The following ADGRE3 variants were observed in gnomAD, a reference collection of about 807,000 sequenced individuals.
The protein encoded by ADGRE3 is EGF-like module receptor 3.
In ADGRE3, 88 loss-of-function variants were observed where a neutral mutation model predicts 80.1. That is an observed-to-expected ratio of 1.10 (90% confidence interval 0.93 to 1.31). The LOEUF (loss-of-function observed/expected upper bound fraction) is 1.31, where lower values mean the gene tolerates loss of function less well. ADGRE3 is among the 40% of genes most tolerant of loss of function. The pLI, the probability that ADGRE3 is intolerant of heterozygous loss-of-function variation, is 0.00. For missense variants in ADGRE3, 715 were observed against 776.5 expected, an observed-to-expected ratio of 0.92 and a Z score of 0.94; for synonymous variants, 281 against 294.8, an observed-to-expected ratio of 0.95 and a Z score of 0.48.
intron 11 of ADGRE3, among the ~76,000 whole-genome samples, chr19:14,636,075 C>CTTT (rs1267579172): frequency 0.013 from 920 of 70,584 alleles, 67 homozygotes; most frequent in African/African-American, 0.02. Context: ...CCTTTCCTTT[C>CTTT]CTTTCCCTTT....
At chr19:14,629,631 T>C (rs2126979) in intron 14 of ADGRE3, among the ~76,000 whole-genome samples, 75,492 of 151,958 alleles carry the variant, frequency 0.5, 19,110 homozygotes, top group Non-Finnish European at 0.53. Context: ...CAGGCCTAAA[T>C]CTGATCTGCA....
chr19:14,612,070 G>A, the ADGRE3 span, among the ~76,000 whole-genome samples: 2 of 152,130 alleles, frequency 1.3e-5, no homozygotes, highest in African/African-American at 4.8e-5. Flanking sequence ...ATTAGCTCTT[G>A]CAATGTTAGT....
At chr19:14,661,043 G>A (rs1971934005) in intron 4 of ADGRE3, among the ~76,000 whole-genome samples, 1 of 142,016 alleles carries the variant, frequency 7.0e-6, no homozygotes, top group Non-Finnish European at 1.5e-5. Context: ...CCAGGATCAA[G>A]CAATTCTTGT....
At chr19:14,620,550 A>AATATATATATATAT (rs1568471512) in intron 15 of ADGRE3, among the ~76,000 whole-genome samples, 1 of 18,986 alleles carries the variant, frequency 5.3e-5, no homozygotes, top group African/African-American at 2.5e-4. Flanking sequence ...TATATATATT[A>AATATATATATATAT]TATATATATA....
intron 10 of ADGRE3, among the ~76,000 whole-genome samples, chr19:14,638,669 T>C (rs921365100): frequency 6.6e-6 from 1 of 152,104 alleles, no homozygotes; most frequent in Admixed American, 6.6e-5. Context: ...CCCTTGGGAC[T>C]GAAAGGGTAG....
chr19:14,647,128 G>A (rs942361896), intron 8 of ADGRE3, 53 bp downstream of exon 8: 14 of 1,467,498 alleles, frequency 9.5e-6, no homozygotes, highest in Middle Eastern at 1.7e-4. Context: ...TACACACATC[G>A]TTTGGCCTGC....
chr19:14,674,569 G>A (rs556630239), intron 1 of ADGRE3, among the ~76,000 whole-genome samples, 177 bp downstream of exon 1: 1 of 152,100 alleles, frequency 6.6e-6, no homozygotes, highest in African/African-American at 2.4e-5. Context: ...AACATTTTAG[G>A]GATATTCGAG....
At chr19:14,605,070 C>T in the ADGRE3 span, among the ~76,000 whole-genome samples, 1 of 151,966 alleles carries the variant, frequency 6.6e-6, no homozygotes, top group African/African-American at 2.4e-5. Context: ...TGGTGGCTCA[C>T]GCCTGTAATC....
chr19:14,647,178 C>T lies in ADGRE3; in HGVS notation c.882+3G>A. 1 of 1,613,196 alleles carries T rather than the reference C, an allele frequency of 6.2e-7. No homozygotes were observed. ...ACAAGCTCAAATCATACCTGTGACC[C>T]ACCTTCACGTGCTGGAAAGTCAGCG... On this transcript the variant is annotated splice_donor_region_variant and intron_variant, in intron 8 of 15. Coordinates refer to ENST00000253673, the MANE Select transcript of ADGRE3 (RefSeq NM_032571.5).
At chr19:14,615,103 C>G (rs868674047), downstream of ADGRE3, among the ~76,000 whole-genome samples, 1 of 151,732 alleles carries the variant, frequency 6.6e-6, no homozygotes, top group African/African-American at 2.4e-5. Flanking sequence ...TGGGGTCTCA[C>G]GGCTTGTCCA....
Position 14,630,127 on chromosome 19 carries a change from G to C in ADGRE3, c.1724C>G (p.Ala575Gly), listed in dbSNP as rs143228360. The change falls in exon 14 of 16, where the codon GCT becomes GGT. Residue 575 changes from alanine to glycine, a missense_variant. By Grantham distance (60) the Ala-to-Gly change is moderately conservative. Coordinates refer to ENST00000253673, the MANE Select transcript of ADGRE3 (RefSeq NM_032571.5). ...WCLGLLQVGP[A>G]AQVMAYLFTI... Reference sequence around the variant, plus strand: ...GAAGAGGTAGGCCATGACCTGGGCAGCTGGACCCACCTGTAGCAAGCCCAG... The same window carrying C: ...GAAGAGGTAGGCCATGACCTGGGCACCTGGACCCACCTGTAGCAAGCCCAG... 6.2e-7 allele frequency: 1 copy of C among 1,613,552 alleles called. No individual in the cohort carries two copies. The highest frequency in any genetic ancestry group is 1.3e-5 in the African/African-American group (1 of 74,936).
the ADGRE3 span, among the ~76,000 whole-genome samples, chr19:14,612,806 A>G: frequency 6.6e-6 from 1 of 152,148 alleles, no homozygotes; most frequent in Non-Finnish European, 1.5e-5. Context: ...TGTGACAACC[A>G]AAAAATACCA....
intron 15 of ADGRE3, among the ~76,000 whole-genome samples, chr19:14,624,963 G>C (rs938003224): frequency 6.6e-6 from 1 of 151,762 alleles, no homozygotes; most frequent in Non-Finnish European, 1.5e-5. Flanking sequence ...AAGAGCCGAT[G>C]TGTGCTGTTT....
the ADGRE3 span, among the ~76,000 whole-genome samples, chr19:14,604,760 C>T: frequency 1.3e-5 from 2 of 151,306 alleles, no homozygotes; most frequent in East Asian, 3.9e-4. Context: ...AAGACTCTGA[C>T]TCAAAAAAAA....
rs1353630983 is a variant in ADGRE3, at chr19:14,644,289, A to G, written c.883-14T>C. On this transcript the variant is annotated splice_polypyrimidine_tract_variant and intron_variant, in intron 8 of 15. Transcript: ENST00000253673. ...ACTGGGGGTCATCTGAAAATAGAAA[A>G]TAGAAAGGGCTCATTGTCTTTGTCT... The G allele has an allele frequency of 4.1e-6, 6 of 1,478,832 alleles. No homozygotes were observed. Among genetic ancestry groups the G allele is most frequent in the Non-Finnish European group, 5.4e-6 (6 of 1,108,706 alleles). 91.6% of individuals were successfully genotyped at this position (1,478,832 alleles called of 1,614,324 possible). A position where few individuals can be genotyped will look rare whatever the true frequency, so the allele number is the denominator to read the frequency against.
At chr19:14,640,403 C>A (rs1304814226) in intron 10 of ADGRE3, among the ~76,000 whole-genome samples, 1 of 152,038 alleles carries the variant, frequency 6.6e-6, no homozygotes, top group South Asian at 2.1e-4. Flanking sequence ...AATTCTCCTG[C>A]CTCAGCCTCC....
intron 6 of ADGRE3, among the ~76,000 whole-genome samples, chr19:14,654,723 A>G (rs1971706204): frequency 6.6e-6 from 1 of 152,116 alleles, no homozygotes; most frequent in Non-Finnish European, 1.5e-5. Flanking sequence ...CACCTCTGAA[A>G]TCAACACCAC....
chr19:14,643,455 T>C (rs757709199), intron 9 of ADGRE3, among the ~76,000 whole-genome samples: 5 of 151,954 alleles, frequency 3.3e-5, no homozygotes, highest in Non-Finnish European at 7.4e-5. Context: ...AGTAATCATA[T>C]CTTTGCCCTG....
intron 15 of ADGRE3, among the ~76,000 whole-genome samples, chr19:14,620,413 T>TATTCATGTATATATGAATATATATGTAA (rs1970511682): frequency 8.6e-6 from 1 of 116,880 alleles, no homozygotes; most frequent in African/African-American, 3.4e-5. Flanking sequence ...TATATATGTA[T>TATTCATGTATATATGAATATATATGTAA]ATTCATGTAT....
Sources: allele counts gnomAD v4.1 joint callset (sites outside exome capture counted in the v4.1 genomes callset), GRCh38; gene constraint gnomAD v4.1.1; transcripts MANE v1.5; gene names NCBI Gene and HGNC (gene_info 2026-07-23, HGNC 2026-07-21).